CDKAL1: variants seen among roughly 807,000 people sequenced by gnomAD.
CDKAL1 encodes the protein CDKAL1 threonylcarbamoyladenosine tRNA methylthiotransferase, also known as threonylcarbamoyladenosine tRNA methylthiotransferase.
CDKAL1 carries 32 observed loss-of-function variants against 68.2 expected under a neutral mutation model. That is an observed-to-expected ratio of 0.47 (90% CI 0.35 to 0.63). The LOEUF is 0.63. CDKAL1 is among the 30% of genes least tolerant of loss of function. The pLI is 0.00. For synonymous variants in CDKAL1, 234 were observed against 244.3 expected (o/e 0.96, Z 0.39); for missense variants, 606 against 696.7 (o/e 0.87, Z 1.47).
chr6:20,703,299 G>T (rs1224348287), intron 5 of CDKAL1, among the ~76,000 whole-genome samples: 13 of 152,146 alleles, frequency 8.5e-5, no homozygotes. Flanking sequence ...TTAAGGTACT[G>T]TTTGTGACTG....
At chr6:20,668,928 A>G (rs1403027541) in intron 5 of CDKAL1, among the ~76,000 whole-genome samples, 8 of 152,188 alleles carry the variant, frequency 5.3e-5, no homozygotes, top group South Asian at 2.1e-4. Context: ...TTAGATTCAG[A>G]TGCTATGCAT....
chr6:20,903,725 G>C (rs1762108455), intron 9 of CDKAL1, among the ~76,000 whole-genome samples: 1 of 152,208 alleles, frequency 6.6e-6, no homozygotes, highest in South Asian at 2.1e-4. Flanking sequence ...TCACGGAGCA[G>C]AGTTGGGCTT....
chr6:20,749,875 G>GT (rs899092344), intron 6 of CDKAL1, among the ~76,000 whole-genome samples: 71 of 149,770 alleles, frequency 4.7e-4, no homozygotes, highest in Admixed American at 1.0e-3. Flanking sequence ...TTCCTTTTTT[G>GT]TTTTTTTTTA....
intron 13 of CDKAL1, among the ~76,000 whole-genome samples, chr6:21,146,060 G>T (rs1020803442): frequency 2.6e-5 from 4 of 152,130 alleles, no homozygotes; most frequent in Non-Finnish European, 5.9e-5. Flanking sequence ...CTTGGAGATT[G>T]TACCCTTCTA....
At chr6:20,987,323 A>G (rs538328669) in intron 10 of CDKAL1, among the ~76,000 whole-genome samples, 1 of 151,594 alleles carries the variant, frequency 6.6e-6, no homozygotes, top group South Asian at 2.1e-4. Flanking sequence ...CAGTGGCACA[A>G]TCTCAGCTCA....
intron 7 of CDKAL1, among the ~76,000 whole-genome samples, chr6:20,774,094 G>A (rs555474720): frequency 6.6e-6 from 1 of 152,286 alleles, no homozygotes; most frequent in South Asian, 2.1e-4. Context: ...CTCTCTGGTG[G>A]TAGTGGAGGT....
At chr6:20,858,139 G>T (rs753693163) in intron 9 of CDKAL1, among the ~76,000 whole-genome samples, 1 of 152,134 alleles carries the variant, frequency 6.6e-6, no homozygotes, top group Non-Finnish European at 1.5e-5. Flanking sequence ...GATTACAGGC[G>T]TGAGCTACTG....
chr6:21,093,694 C>CTTTTTTTT (rs547923386), intron 12 of CDKAL1, among the ~76,000 whole-genome samples: 9 of 88,094 alleles, frequency 1.0e-4, no homozygotes, highest in African/African-American at 1.4e-4. Context: ...GCTGCTGCTG[C>CTTTTTTTT]TTTTTTTTTT....
At chr6:20,792,056 C>G (rs543285380) in intron 8 of CDKAL1, among the ~76,000 whole-genome samples, 5 of 151,604 alleles carry the variant, frequency 3.3e-5, no homozygotes, top group Admixed American at 3.3e-4. Flanking sequence ...TGATTGTGGA[C>G]GAGGGCCTGT....
chr6:21,015,724 C>T (rs201309), intron 11 of CDKAL1, among the ~76,000 whole-genome samples: 16,208 of 151,916 alleles, frequency 0.11, 969 homozygotes, highest in Middle Eastern at 0.16. Flanking sequence ...GTCAGGAGTT[C>T]GAGACCAGCC....
intron 4 of CDKAL1, among the ~76,000 whole-genome samples, chr6:20,562,988 C>G (rs776788819): frequency 6.6e-6 from 1 of 152,158 alleles, no homozygotes; most frequent in Admixed American, 6.5e-5. Context: ...TTGACTCTTT[C>G]TCTGCTTTCA....
intron 9 of CDKAL1, among the ~76,000 whole-genome samples, chr6:20,861,344 G>C (rs556741956): frequency 1.3e-5 from 2 of 152,364 alleles, no homozygotes; most frequent in South Asian, 4.1e-4. Flanking sequence ...AATGGGTTCT[G>C]TTATTTGCCA....
chr6:20,649,796 C>T (rs1022964460), intron 5 of CDKAL1, among the ~76,000 whole-genome samples: 5 of 152,162 alleles, frequency 3.3e-5, no homozygotes, highest in Admixed American at 6.6e-5. Flanking sequence ...TCAGCTCCCA[C>T]TTGTAAGTGA....
intron 13 of CDKAL1, among the ~76,000 whole-genome samples, chr6:21,192,039 G>A (rs1292853510): frequency 1.7e-4 from 11 of 65,638 alleles, no homozygotes; most frequent in Non-Finnish European, 3.0e-4. Flanking sequence ...TTTTGAGACG[G>A]AGTCTCGCTC....
At chr6:20,783,139 C>T (rs1430564637) in intron 8 of CDKAL1, among the ~76,000 whole-genome samples, 1 of 152,056 alleles carries the variant, frequency 6.6e-6, no homozygotes, top group African/African-American at 2.4e-5. Flanking sequence ...TGTGTTGCCC[C>T]TGCTAGTCTC....
chr6:21,075,342 C>G (rs4280955), intron 12 of CDKAL1, among the ~76,000 whole-genome samples: 80,671 of 151,836 alleles, frequency 0.53, 21,833 homozygotes, highest in Middle Eastern at 0.62. Flanking sequence ...GTGTTTTAAT[C>G]TATTATGGCA....
chr6:21,019,380 A>C (rs1437226275), intron 11 of CDKAL1, among the ~76,000 whole-genome samples: 1 of 152,142 alleles, frequency 6.6e-6, no homozygotes, highest in African/African-American at 2.4e-5. Flanking sequence ...TCATTTCTAC[A>C]GTTGCCCATT....
At chr6:20,670,922 C>T (rs1307396127) in intron 5 of CDKAL1, among the ~76,000 whole-genome samples, 1 of 152,188 alleles carries the variant, frequency 6.6e-6, no homozygotes, top group Admixed American at 6.5e-5. Context: ...TATTCAACTA[C>T]TTTCCCATGT....
At chr6:20,542,577 C>G (rs975129291) in intron 2 of CDKAL1, among the ~76,000 whole-genome samples, 10 of 151,644 alleles carry the variant, frequency 6.6e-5, no homozygotes, top group African/African-American at 2.2e-4. Context: ...AGTGTATTCC[C>G]CCCCCATTTT....
Sources: allele counts gnomAD v4.1 joint callset (sites outside exome capture counted in the v4.1 genomes callset), GRCh38; gene constraint gnomAD v4.1.1; transcripts MANE v1.5; gene names NCBI Gene and HGNC (gene_info 2026-07-23, HGNC 2026-07-21).